TMPRSS11E: variants seen among roughly 807,000 people sequenced by gnomAD.
TMPRSS11E encodes transmembrane serine protease 11E.
TMPRSS11E carries 38 observed loss-of-function variants against 48.1 expected under a neutral mutation model. That is an observed-to-expected ratio of 0.79 (90% CI 0.61 to 1.04). TMPRSS11E has a LOEUF of 1.04. Ranked by LOEUF, TMPRSS11E falls within the 50% of genes least tolerant of loss-of-function variation. The pLI is 0.00. For synonymous variants in TMPRSS11E, 158 were observed against 171.9 expected (o/e 0.92, Z 0.63); for missense variants, 530 against 510.8 (o/e 1.04, Z -0.36).
At chr4:68,457,021 A>G (rs1054572153) in intron 1 of TMPRSS11E, among the ~76,000 whole-genome samples, 5 of 152,222 alleles carry the variant, frequency 3.3e-5, no homozygotes, top group Non-Finnish European at 4.4e-5. Context: ...TAAAACACCA[A>G]AAGCAATGGC....
intron 9 of TMPRSS11E, among the ~76,000 whole-genome samples, chr4:68,485,349 G>A (rs1729523202): frequency 6.6e-6 from 1 of 152,060 alleles, no homozygotes; most frequent in Admixed American, 6.6e-5. Flanking sequence ...GTTTTGCCAT[G>A]TTGGTCAGGC....
chr4:68,477,161 C>A (rs934140642), intron 7 of TMPRSS11E, among the ~76,000 whole-genome samples: 1 of 151,826 alleles, frequency 6.6e-6, no homozygotes, highest in Non-Finnish European at 1.5e-5. Flanking sequence ...GATGACTTGG[C>A]ATATGGAGTG....
chr4:68,460,915 C>T (rs560179534), intron 1 of TMPRSS11E, among the ~76,000 whole-genome samples: 33 of 148,850 alleles, frequency 2.2e-4, no homozygotes, highest in African/African-American at 6.4e-4. Context: ...GAGTCTCGCT[C>T]TACCGCCCAG....
At chr4:68,459,043 TG>T (rs201380729) in intron 1 of TMPRSS11E, among the ~76,000 whole-genome samples, 4,036 of 152,238 alleles carry the variant, frequency 0.027, 179 homozygotes, top group African/African-American at 0.092. Flanking sequence ...ATTGAATCTC[TG>T]CGTACAAGAC....
intron 1 of TMPRSS11E, among the ~76,000 whole-genome samples, chr4:68,447,878 A>G (rs1038139774): frequency 3.9e-5 from 6 of 151,964 alleles, no homozygotes; most frequent in African/African-American, 1.2e-4. Flanking sequence ...TTATTGAGAA[A>G]CACTTTTATT....
At chr4:68,473,836 A>G (rs907668724) in intron 5 of TMPRSS11E, among the ~76,000 whole-genome samples, 2 of 152,148 alleles carry the variant, frequency 1.3e-5, no homozygotes, top group African/African-American at 4.8e-5. Flanking sequence ...AACTGAGACT[A>G]AATTGTAAAT....
chr4:68,492,148 T>C (rs1261219452), intron 9 of TMPRSS11E, among the ~76,000 whole-genome samples: 1 of 152,222 alleles, frequency 6.6e-6, no homozygotes, highest in Non-Finnish European at 1.5e-5. Context: ...AAAAATTCCT[T>C]CCTAACAATT....
At chr4:68,487,941 CAAAAAA>C (rs56299530) in intron 9 of TMPRSS11E, among the ~76,000 whole-genome samples, 3 of 89,966 alleles carry the variant, frequency 3.3e-5, no homozygotes, top group African/African-American at 9.1e-5. Flanking sequence ...GACTCTGTCT[CAAAAAA>C]AAAAAAAAAA....
At position 68,447,543 on chromosome 4, in the gene TMPRSS11E, C is replaced by A. The variant is rs756032751; in HGVS notation, c.11+20C>A. The A allele has an allele frequency of 2.3e-5, 37 of 1,605,532 alleles. No homozygotes were observed. In the Middle Eastern group the frequency reaches 8.3e-4, roughly 36 times the overall value. ...GTATCGGTGAGTTAGTTCCCTTTTT[C>A]TTTCTAGAAGTCTTAAGGTAACTTT... On this transcript the variant is annotated intron_variant, in intron 1 of 9. Transcript: ENST00000305363.
At chr4:68,458,245 G>A (rs1316875205) in intron 1 of TMPRSS11E, among the ~76,000 whole-genome samples, 1 of 151,928 alleles carries the variant, frequency 6.6e-6, no homozygotes, top group Non-Finnish European at 1.5e-5. Flanking sequence ...TTTTGCTGTT[G>A]CTGCTGCTTT....
At chr4:68,469,703 A>T (rs888316864) in intron 4 of TMPRSS11E, among the ~76,000 whole-genome samples, 3 of 151,972 alleles carry the variant, frequency 2.0e-5, no homozygotes, top group Admixed American at 6.6e-5. Context: ...AAGGGACCTC[A>T]TTCACCCACA....
At chr4:68,489,404 G>A (rs767392045) in intron 9 of TMPRSS11E, among the ~76,000 whole-genome samples, 13 of 152,208 alleles carry the variant, frequency 8.5e-5, no homozygotes, top group Non-Finnish European at 1.2e-4. Context: ...GCACTTTGGC[G>A]GGGTGGCAGT....
intron 9 of TMPRSS11E, among the ~76,000 whole-genome samples, chr4:68,482,152 C>T (rs551174198): frequency 7.9e-6 from 1 of 126,308 alleles, no homozygotes; most frequent in South Asian, 2.9e-4. Flanking sequence ...ATGGTGAAAG[C>T]AGGAGCAAGA....
Position 68,476,353 on chromosome 4 carries a change from AG to A in TMPRSS11E, c.623del (p.Ser208ThrfsTer14). 6.2e-7 allele frequency: 1 copy of A among 1,614,176 alleles called. No homozygotes were observed. The highest frequency in any genetic ancestry group is 1.1e-5 in the South Asian group (1 of 91,086). Reference protein sequence around the residue: ...VEEGEWPWQASLQWDGSHRCG... With the variant: ...VEEGEWPWQAXLQWDGSHRCG... The stretch of plus-strand genomic sequence containing the variant: ...AGAGGGTGAATGGCCCTGGCAGGCT[AG>A]CCTGCAGTGGGATGGGAGTCATCGC... On this transcript the variant is annotated frameshift_variant, in exon 7 of 10. Coordinates refer to ENST00000305363, the MANE Select transcript of TMPRSS11E (RefSeq NM_014058.4). LOFTEE classifies it high-confidence loss of function.
intron 8 of TMPRSS11E, 94 bp from the exon 9 acceptor site, chr4:68,478,755 T>G: frequency 7.2e-7 from 1 of 1,390,298 alleles, no homozygotes. Context: ...GTGCCTGGCC[T>G]GTATCACCAT....
chr4:68,478,977 ACAGATG>A lies in TMPRSS11E; in HGVS notation c.1099_1104del (p.Asp367_Ala368del). The A allele has an allele frequency of 1.2e-6, 2 of 1,613,690 alleles. No homozygotes were observed. Among genetic ancestry groups the A allele is most frequent in the South Asian group, 2.2e-5 (2 of 91,000 alleles). On this transcript the variant is annotated inframe_deletion, in exon 9 of 10. Coordinates refer to ENST00000305363, the MANE Select transcript of TMPRSS11E (RefSeq NM_014058.4). ...ATGTGCTGGCTCCTTAGAAGGAAAA[ACAGATG>A]CATGCCAGGTAAACAGTTTTGCCCA...
intron 9 of TMPRSS11E, among the ~76,000 whole-genome samples, chr4:68,496,355 ATAAGT>A (rs886557292): frequency 3.6e-4 from 55 of 152,234 alleles, no homozygotes; most frequent in African/African-American, 2.4e-4. Context: ...GATGTGTCAC[ATAAGT>A]TAAGAGTACA....
intron 9 of TMPRSS11E, among the ~76,000 whole-genome samples, chr4:68,482,736 C>G (rs1729443953): frequency 6.6e-6 from 1 of 151,808 alleles, no homozygotes; most frequent in Non-Finnish European, 1.5e-5. Flanking sequence ...CGCACCACTG[C>G]AGTCCAGCTT....
intron 1 of TMPRSS11E, among the ~76,000 whole-genome samples, chr4:68,461,254 T>C (rs1728782874): frequency 6.6e-6 from 1 of 152,210 alleles, no homozygotes; most frequent in Non-Finnish European, 1.5e-5. Flanking sequence ...GGGCCTCTGG[T>C]TGTTTCTTCT....
Sources: allele counts gnomAD v4.1 joint callset (sites outside exome capture counted in the v4.1 genomes callset), GRCh38; gene constraint gnomAD v4.1.1; transcripts MANE v1.5; gene names NCBI Gene and HGNC (gene_info 2026-07-23, HGNC 2026-07-21).